LEF1: variants seen among roughly 807,000 people sequenced by gnomAD.
LEF1 encodes the protein lymphoid enhancer-binding factor 1.
A neutral mutation model predicts 51.2 loss-of-function variants in LEF1; 14 were observed. The ratio of observed to expected loss-of-function variants is 0.27; its 90% CI spans 0.18 to 0.43. The LOEUF (loss-of-function observed/expected upper bound fraction) is 0.43, where lower values mean the gene tolerates loss of function less well. Ranked by LOEUF, LEF1 falls within the 20% of genes least tolerant of loss-of-function variation. The pLI is 1.00. For synonymous variants in LEF1, 185 were observed against 183.2 expected, an observed-to-expected ratio of 1.01 and a Z score of -0.08; for missense variants, 386 against 512.0, an observed-to-expected ratio of 0.75 and a Z score of 2.37.
At chr4:108,140,218 A>G (rs1305340771) in intron 3 of LEF1, among the ~76,000 whole-genome samples, 1 of 152,126 alleles carries the variant, frequency 6.6e-6, no homozygotes, top group Non-Finnish European at 1.5e-5. Flanking sequence ...AGGGGGGAAA[A>G]GCAACTTCAT....
At chr4:108,109,164 G>C (rs7698317) in intron 3 of LEF1, among the ~76,000 whole-genome samples, 1 of 151,992 alleles carries the variant, frequency 6.6e-6, no homozygotes, top group Non-Finnish European at 1.5e-5. Flanking sequence ...CCCCTGTGCA[G>C]AACTAATTAA....
In LEF1 at chr4:108,064,720, A is replaced by T. The variant is rs1737954624; in HGVS notation, c.1117-336T>A. Among the ~76,000 whole-genome samples the T allele has an allele frequency of 2.0e-5, 3 of 150,032 alleles. No homozygotes were observed. The South Asian group carries it at 6.4e-4, about 32-fold the overall frequency. ...TGATGTCTTAGAGCTGTGGCCATAGAGCCTTCTCTCTCTCTCTCTCTCACA... is the reference window on the plus strand; with the variant it reads ...TGATGTCTTAGAGCTGTGGCCATAGTGCCTTCTCTCTCTCTCTCTCTCACA... On this transcript the variant is annotated intron_variant, in intron 9 of 11. Coordinates refer to ENST00000265165, the MANE Select transcript of LEF1 (RefSeq NM_016269.5).
intron 11 of LEF1, among the ~76,000 whole-genome samples, chr4:108,059,086 C>T (rs1019557016): frequency 6.6e-6 from 1 of 152,196 alleles, no homozygotes; most frequent in Non-Finnish European, 1.5e-5. Context: ...CTAAAAGTTT[C>T]CCCACAGTGT....
chr4:108,062,277 C>T (rs905822470), intron 11 of LEF1, among the ~76,000 whole-genome samples: 1 of 152,190 alleles, frequency 6.6e-6, no homozygotes, highest in African/African-American at 2.4e-5. Context: ...GTAAGGGCCA[C>T]CTGGTTTAGT....
At chr4:108,122,512 T>C (rs1049871893) in intron 3 of LEF1, among the ~76,000 whole-genome samples, 12 of 152,104 alleles carry the variant, frequency 7.9e-5, no homozygotes, top group African/African-American at 2.9e-4. Flanking sequence ...GAGTCTCACT[T>C]TGTCACCCAG....
intron 3 of LEF1, among the ~76,000 whole-genome samples, chr4:108,115,315 G>T (rs1235572406): frequency 1.3e-5 from 2 of 152,198 alleles, no homozygotes; most frequent in Non-Finnish European, 2.9e-5. Flanking sequence ...AAGTTACTCA[G>T]ATATAATTCG....
rs568092620 is a variant in LEF1 at position 108,157,029 on chromosome 4, T to G, written c.414+6539A>C. Among the ~76,000 whole-genome samples the G allele has an allele frequency of 2.0e-5, 3 of 152,146 alleles. No individual in the cohort carries two copies. The East Asian group carries it at 5.8e-4, about 29-fold the overall frequency. On this transcript the variant is annotated intron_variant, in intron 3 of 11. Coordinates refer to ENST00000265165, the MANE Select transcript of LEF1 (RefSeq NM_016269.5). ...AGAAATATATCTTAGTAGGTCAAAT[T>G]TTAAAATTTTGCTTTGGTTACTGTT...
At chr4:108,153,697 C>G (rs1408611892) in intron 3 of LEF1, among the ~76,000 whole-genome samples, 1 of 152,154 alleles carries the variant, frequency 6.6e-6, no homozygotes, top group Non-Finnish European at 1.5e-5. Context: ...AGAATCTGTG[C>G]AAACTTTTAG....
At chr4:108,128,406 TA>T (rs757717343) in intron 3 of LEF1, among the ~76,000 whole-genome samples, 3 of 151,710 alleles carry the variant, frequency 2.0e-5, no homozygotes, top group Non-Finnish European at 4.4e-5. Flanking sequence ...TATTTATCAT[TA>T]AAAAAACTTC....
chr4:108,158,417 A>AG (rs1744862519), intron 3 of LEF1, among the ~76,000 whole-genome samples: 1 of 142,996 alleles, frequency 7.0e-6, no homozygotes, highest in Admixed American at 7.6e-5. Flanking sequence ...TCCCTTAAAA[A>AG]AAGAGAGAGA....
At chr4:108,069,415 A>G (rs141116671) in intron 9 of LEF1, among the ~76,000 whole-genome samples, 175 of 152,366 alleles carry the variant, frequency 1.1e-3, no homozygotes, top group African/African-American at 4.1e-3. Flanking sequence ...GAGATGCTCA[A>G]ATTCTACAGT....
intron 3 of LEF1, among the ~76,000 whole-genome samples, chr4:108,118,381 T>G (rs998422209): frequency 6.6e-6 from 1 of 152,246 alleles, no homozygotes; most frequent in Admixed American, 6.5e-5. Flanking sequence ...TCAAGTTCCA[T>G]ACATTTTATA....
chr4:108,109,644 T>G (rs1741396136), intron 3 of LEF1, among the ~76,000 whole-genome samples: 1 of 152,250 alleles, frequency 6.6e-6, no homozygotes. Flanking sequence ...GTGCTTAGAA[T>G]GGTGACCAAT....
At chr4:108,078,612 T>TA in intron 7 of LEF1, 1 of 569,578 alleles carries the variant, frequency 1.8e-6, no homozygotes, top group South Asian at 2.0e-5. Context: ...TGACTGAGAA[T>TA]AAAACCCTTT....
At chr4:108,157,942 C>G (rs569882070) in intron 3 of LEF1, among the ~76,000 whole-genome samples, 7 of 152,278 alleles carry the variant, frequency 4.6e-5, no homozygotes, top group African/African-American at 1.7e-4. Flanking sequence ...ATAGTCCCAG[C>G]TAGATTATCA....
At chr4:108,154,101 T>C (rs1044950717) in intron 3 of LEF1, among the ~76,000 whole-genome samples, 5 of 152,204 alleles carry the variant, frequency 3.3e-5, no homozygotes, top group African/African-American at 4.8e-5. Context: ...GTATTGCTTT[T>C]TAAATTTCTT....
intron 3 of LEF1, among the ~76,000 whole-genome samples, chr4:108,092,917 T>TAAAAAAAAA (rs71592104): frequency 9.3e-4 from 29 of 31,132 alleles, no homozygotes; most frequent in Non-Finnish European, 1.5e-3. Context: ...AATGAATATG[T>TAAAAAAAAA]AAAAAAAAAA....
At chr4:108,102,814 C>G (rs1740915869) in intron 3 of LEF1, among the ~76,000 whole-genome samples, 1 of 152,152 alleles carries the variant, frequency 6.6e-6, no homozygotes, top group Non-Finnish European at 1.5e-5. Context: ...GCTCCTCCAA[C>G]AAAAGGGTGA....
chr4:108,113,012 C>G (rs1269127865), intron 3 of LEF1, among the ~76,000 whole-genome samples: 1 of 152,074 alleles, frequency 6.6e-6, no homozygotes, highest in African/African-American at 2.4e-5. Flanking sequence ...TGGCAGAAGC[C>G]CAGGAATGGA....
Sources: gnomAD v4.1 joint callset for allele counts (sites outside exome capture counted in the v4.1 genomes callset) on GRCh38, gnomAD v4.1.1 for gene constraint, MANE v1.5 for transcripts, NCBI Gene and HGNC (gene_info 2026-07-23, HGNC 2026-07-21) for gene names.